Variants in FAM118A observed in about 807,000 individuals in gnomAD.
FAM118A encodes protein FAM118A.
A neutral mutation model predicts 38.2 loss-of-function variants in FAM118A; 25 were observed. That is an observed-to-expected ratio of 0.65 (90% CI 0.48 to 0.91). The LOEUF (loss-of-function observed/expected upper bound fraction) is 0.91, where lower values mean the gene tolerates loss of function less well. FAM118A is among the 40% of genes least tolerant of loss of function. The pLI, the probability that FAM118A is intolerant of heterozygous loss-of-function variation, is 0.00. For missense variants in FAM118A, 425 were observed against 463.3 expected, an observed-to-expected ratio of 0.92 and a Z score of 0.76; for synonymous variants, 178 against 184.1, an observed-to-expected ratio of 0.97 and a Z score of 0.27.
intron 2 of FAM118A, 143 bp downstream of exon 2, chr22:45,322,569 T>C: frequency 1.3e-6 from 1 of 747,690 alleles, no homozygotes; most frequent in Admixed American, 2.8e-5. Context: ...CGAGGGCCAT[T>C]TTCCACCCTT....
At position 45,330,675 on chromosome 22, in the gene FAM118A, G is replaced by A. The variant is rs148235795; in HGVS notation, c.595G>A (p.Gly199Arg). ...TCACGGCCTCTACACGGACCCCTGC[G>A]GGGTGGTGCTGGACCCATCGGGGTA... ...HIHGLYTDPC[G>R]VVLDPSGYKD... The change falls in exon 5 of 9, where the codon GGG (glycine) becomes AGG (arginine). Residue 199 changes from glycine to arginine, a missense_variant. Coordinates refer to ENST00000441876, the MANE Select transcript of FAM118A (RefSeq NM_017911.4). 8.1e-6 allele frequency: 13 copies of A among 1,604,888 alleles called. No individual in the cohort carries two copies. The highest frequency in any genetic ancestry group is 1.7e-4 in the Middle Eastern group (1 of 6,034).
At chr22:45,338,241 A>T (rs200920628) in intron 8 of FAM118A, among the ~76,000 whole-genome samples, 3 of 150,270 alleles carry the variant, frequency 2.0e-5, no homozygotes, top group South Asian at 2.1e-4. Context: ...CTTTTTTTTT[A>T]TTTTTTGAGA....
chr22:45,321,004 T>TAC (rs1221809087), intron 1 of FAM118A, among the ~76,000 whole-genome samples: 4 of 152,230 alleles, frequency 2.6e-5, no homozygotes, highest in Non-Finnish European at 5.9e-5. Flanking sequence ...TCCATATATA[T>TAC]ACATTACACT....
At position 45,327,933 on chromosome 22, in the gene FAM118A, T is replaced by C; in HGVS notation, c.392T>C (p.Leu131Pro). 6.2e-7 allele frequency: 1 copy of C among 1,614,236 alleles called. No individual in the cohort carries two copies. The highest frequency in any genetic ancestry group is 8.5e-7 in the Non-Finnish European group (1 of 1,180,044). Residue 131 changes from leucine to proline, a missense_variant, in exon 4 of 9, where the codon CTG becomes CCG. By Grantham distance (98) the Leu-to-Pro change is moderately conservative (BLOSUM62 -3). Transcript: ENST00000441876. ...CAGCACATCCGGAGTCCTGTGGTGC[T>C]GCAGTCGATCCTCAGCCTGATGGAC... ...LEQHIRSPVV[L>P]QSILSLMDRG...
At chr22:45,316,282 C>T (rs116263131) in intron 1 of FAM118A, among the ~76,000 whole-genome samples, 7,943 of 152,200 alleles carry the variant, frequency 0.052, 547 homozygotes, top group African/African-American at 0.16. Context: ...TTAGGTGATC[C>T]GGCCGCCTCG....
At chr22:45,334,012 A>T (rs570157976) in intron 6 of FAM118A, among the ~76,000 whole-genome samples, 1 of 152,228 alleles carries the variant, frequency 6.6e-6, no homozygotes, top group Admixed American at 6.5e-5. Flanking sequence ...TCTGTGTCCT[A>T]TTACTGCAGT....
At chr22:45,316,812 C>T (rs891823651) in intron 1 of FAM118A, among the ~76,000 whole-genome samples, 6 of 152,214 alleles carry the variant, frequency 3.9e-5, no homozygotes, top group Non-Finnish European at 8.8e-5. Flanking sequence ...AAATCAACTC[C>T]TTTGTAGTCA....
Position 45,340,748 on chromosome 22 carries a change from G to A in FAM118A, c.*343G>A. On this transcript the variant is annotated 3_prime_UTR_variant, in exon 9 of 9. Transcript: ENST00000441876. Reference sequence around the variant, plus strand: ...AAGGTGGTATTTTTCGTAATAAAAGGGGAAGAGTAAAGACTGTCCAAGCAA... The same window carrying A: ...AAGGTGGTATTTTTCGTAATAAAAGAGGAAGAGTAAAGACTGTCCAAGCAA... The A allele has an allele frequency of 2.6e-6, 1 of 387,730 alleles. No homozygotes were observed. The highest frequency in any genetic ancestry group is 4.7e-6 in the Non-Finnish European group (1 of 214,624). The allele number at this position is 387,730 out of a possible 1,614,324, so 24.0% of individuals were successfully genotyped here.
At chr22:45,322,161 C>T in intron 1 of FAM118A, 1 of 1,495,338 alleles carries the variant, frequency 6.7e-7, no homozygotes, top group Middle Eastern at 1.8e-4. Context: ...GAGAGTCCAA[C>T]CAGCCTGATG....
intron 6 of FAM118A, among the ~76,000 whole-genome samples, 178 bp downstream of exon 6, chr22:45,332,888 C>A (rs2085824375): frequency 6.6e-6 from 1 of 152,046 alleles, no homozygotes; most frequent in Non-Finnish European, 1.5e-5. Context: ...GCATTACAGG[C>A]ATGCGCCACC....
At position 45,330,708 on chromosome 22, in the gene FAM118A, G is replaced by C; in HGVS notation, c.628G>C (p.Val210Leu). ...GCTGGACCCATCGGGGTATAAAGAC[G>C]TCACTCAAGACGCAGAAGTCATGGT... ...VVLDPSGYKD[V>L]TQDAEVMEVL... The change falls in exon 5 of 9, where the codon GTC becomes CTC. Residue 210 changes from valine to leucine, a missense_variant. By Grantham distance (32) the Val-to-Leu change is conservative (BLOSUM62 1). Transcript: ENST00000441876. 6.3e-7 allele frequency: 1 copy of C among 1,583,352 alleles called. No individual in the cohort carries two copies.
At chr22:45,335,978 C>G (rs1486937564) in intron 7 of FAM118A, among the ~76,000 whole-genome samples, 1 of 152,338 alleles carries the variant, frequency 6.6e-6, no homozygotes, top group South Asian at 2.1e-4. Context: ...CCCTGTTTTC[C>G]CTGGCTGTTT....
intron 8 of FAM118A, chr22:45,337,896 C>T (rs1001457795): frequency 2.9e-5 from 29 of 985,318 alleles, no homozygotes; most frequent in African/African-American, 2.4e-4. Flanking sequence ...GTGATTCCCC[C>T]GGACTCCACT....
At chr22:45,335,178 G>C (rs1406475629) in intron 6 of FAM118A, 172 bp from the exon 7 acceptor site, 1 of 650,060 alleles carries the variant, frequency 1.5e-6, no homozygotes, top group East Asian at 2.7e-5. Context: ...CACCAAGCCT[G>C]GGAGGTAGAG....
intron 8 of FAM118A, 139 bp from the exon 9 acceptor site, chr22:45,340,247 T>C: frequency 1.1e-6 from 1 of 884,906 alleles, no homozygotes; most frequent in Non-Finnish European, 1.8e-6. Context: ...GTGGCTACTG[T>C]TTCCATTGTG....
chr22:45,322,489 T>A, intron 2 of FAM118A, 63 bp downstream of exon 2: 4 of 1,415,656 alleles, frequency 2.8e-6, no homozygotes, highest in Non-Finnish European at 3.9e-6. Flanking sequence ...CTCTCGTGAG[T>A]GTGCGCACTC....
chr22:45,324,765 GCAGGGGCGCGGTGGCT>G (rs1262371695), intron 3 of FAM118A, among the ~76,000 whole-genome samples: 1 of 152,194 alleles, frequency 6.6e-6, no homozygotes, highest in African/African-American at 2.4e-5. Flanking sequence ...CCTCTCTGAG[GCAGGGGCGCGGTGGCT>G]CACGCCTGTA....
intron 4 of FAM118A, chr22:45,328,628 C>G: frequency 1.8e-6 from 1 of 542,264 alleles, no homozygotes; most frequent in Non-Finnish European, 3.2e-6. Flanking sequence ...AAGACCCTTT[C>G]TCTTAAAAAA....
chr22:45,323,990 C>T (rs1022529970), intron 3 of FAM118A, among the ~76,000 whole-genome samples: 4 of 152,168 alleles, frequency 2.6e-5, no homozygotes, highest in African/African-American at 9.7e-5. Flanking sequence ...TCAGCTATGG[C>T]GTGTGGCCAT....
Sources: allele counts gnomAD v4.1 joint callset (sites outside exome capture counted in the v4.1 genomes callset), GRCh38; gene constraint gnomAD v4.1.1; transcripts MANE v1.5; gene names NCBI Gene and HGNC (gene_info 2026-07-23, HGNC 2026-07-21).